DTNA: variants seen among roughly 807,000 people sequenced by gnomAD.
The protein encoded by DTNA is dystrobrevin alpha.
Under a neutral mutation model 100.7 loss-of-function variants are expected in DTNA, and 43 were observed. That is an observed-to-expected ratio of 0.43 (90% CI 0.33 to 0.55). The LOEUF is 0.55. Ranked by LOEUF, DTNA falls within the 20% of genes least tolerant of loss-of-function variation. The pLI is 0.04. For synonymous variants in DTNA, 349 were observed against 347.9 expected, an observed-to-expected ratio of 1.00 and a Z score of -0.04; for missense variants, 798 against 953.9, an observed-to-expected ratio of 0.84 and a Z score of 2.15.
chr18:34,638,235 T>G (rs948123082), intron 1 of DTNA, among the ~76,000 whole-genome samples: 6 of 152,238 alleles, frequency 3.9e-5, no homozygotes, highest in African/African-American at 7.2e-5. Flanking sequence ...AGTGGAATTA[T>G]TGTTAAGTCT....
intron 9 of DTNA, chr18:34,821,566 C>A: frequency 2.2e-6 from 1 of 454,514 alleles, no homozygotes. Flanking sequence ...CTTTGAACCT[C>A]TCTCAGGCCT....
At chr18:34,587,058 G>A (rs1258937627) in intron 1 of DTNA, among the ~76,000 whole-genome samples, 2 of 151,896 alleles carry the variant, frequency 1.3e-5, no homozygotes, top group Non-Finnish European at 2.9e-5. Flanking sequence ...AAAGTCCTGG[G>A]CTCAAGCAAT....
At chr18:34,879,793 A>C (rs1429270474) in intron 20 of DTNA, 74 bp downstream of exon 20, 3 of 1,574,396 alleles carry the variant, frequency 1.9e-6, no homozygotes, top group Non-Finnish European at 2.6e-6. Context: ...AAGTAAAAGC[A>C]TAATTGTTTA....
At chr18:34,884,680 C>A in intron 21 of DTNA, 48 bp from the exon 22 acceptor site, 1 of 1,608,208 alleles carries the variant, frequency 6.2e-7, no homozygotes. Flanking sequence ...GACTGCATCA[C>A]AGACTTGACG....
chr18:34,795,867 T>G (rs2149072062), intron 4 of DTNA, among the ~76,000 whole-genome samples: 1 of 152,312 alleles, frequency 6.6e-6, no homozygotes, highest in South Asian at 2.1e-4. Context: ...TTTTCACTTT[T>G]GGTCAGAAAT....
At chr18:34,657,432 G>A (rs915953063) in intron 1 of DTNA, among the ~76,000 whole-genome samples, 4 of 152,090 alleles carry the variant, frequency 2.6e-5, no homozygotes, top group Non-Finnish European at 5.9e-5. Context: ...TGCTTTCATT[G>A]TCCAAACTGA....
intron 14 of DTNA, 92 bp from the exon 15 acceptor site, chr18:34,851,739 C>G (rs113338432): frequency 5.3e-6 from 7 of 1,308,630 alleles, no homozygotes; most frequent in East Asian, 2.4e-5. Flanking sequence ...ATAATTCCCT[C>G]CTCCTTGTCT....
chr18:34,860,220 GTTTTTT>G (rs55673388), intron 16 of DTNA, among the ~76,000 whole-genome samples: 24 of 80,282 alleles, frequency 3.0e-4, no homozygotes, highest in African/African-American at 8.0e-4. Context: ...CTAATTTTTT[GTTTTTT>G]TTTTTTTTTT....
At chr18:34,547,372 A>G (rs2044902400) in intron 1 of DTNA, among the ~76,000 whole-genome samples, 1 of 152,126 alleles carries the variant, frequency 6.6e-6, no homozygotes, top group Admixed American at 6.6e-5. Flanking sequence ...CATCATAAAG[A>G]AAGCTATAAG....
chr18:34,571,110 C>CA (rs1313110801), intron 1 of DTNA, among the ~76,000 whole-genome samples: 1 of 152,030 alleles, frequency 6.6e-6, no homozygotes, highest in Non-Finnish European at 1.5e-5. Context: ...AACAGAACAG[C>CA]AAAAAATTCA....
intron 1 of DTNA, among the ~76,000 whole-genome samples, chr18:34,538,926 T>A (rs929170542): frequency 3.3e-5 from 5 of 151,988 alleles, no homozygotes; most frequent in Non-Finnish European, 7.4e-5. Flanking sequence ...ATTAAAATTT[T>A]CTCAACACAA....
chr18:34,664,066 T>A (rs545355648), intron 1 of DTNA, among the ~76,000 whole-genome samples: 2 of 152,274 alleles, frequency 1.3e-5, no homozygotes, highest in Admixed American at 1.3e-4. Context: ...TGAATTTCAC[T>A]GTTGTATCAA....
chr18:34,864,584 G>A (rs1050523080), intron 17 of DTNA, among the ~76,000 whole-genome samples: 4 of 152,148 alleles, frequency 2.6e-5, no homozygotes, highest in African/African-American at 9.7e-5. Flanking sequence ...CCTGAAACCA[G>A]ACTGCTGAGG....
chr18:34,732,752 G>A (rs1181470643), intron 1 of DTNA, among the ~76,000 whole-genome samples: 1 of 152,214 alleles, frequency 6.6e-6, no homozygotes, highest in African/African-American at 2.4e-5. Context: ...TAAAGCACAT[G>A]AGGCTCAGTT....
chr18:34,528,699 C>T (rs540649663), intron 1 of DTNA, among the ~76,000 whole-genome samples: 130 of 151,932 alleles, frequency 8.6e-4, no homozygotes, highest in Non-Finnish European at 7.4e-4. Context: ...AATGCCTTTC[C>T]TTCATTTTTT....
At chr18:34,799,135 T>C (rs1018523524) in intron 4 of DTNA, among the ~76,000 whole-genome samples, 1 of 152,200 alleles carries the variant, frequency 6.6e-6, no homozygotes, top group Admixed American at 6.5e-5. Context: ...TTTTACATTG[T>C]AGCATTAGGA....
At chr18:34,842,084 G>A (rs770565661) in intron 13 of DTNA, among the ~76,000 whole-genome samples, 1 of 152,156 alleles carries the variant, frequency 6.6e-6, no homozygotes, top group Middle Eastern at 3.4e-3. Flanking sequence ...TACAGTGTGG[G>A]CTTTTACTAC....
intron 1 of DTNA, among the ~76,000 whole-genome samples, chr18:34,750,627 A>G (rs887084602): frequency 6.6e-6 from 1 of 152,198 alleles, no homozygotes; most frequent in Non-Finnish European, 1.5e-5. Context: ...GTTTTTAGGC[A>G]GCCACTTTAC....
At chr18:34,758,330 C>T (rs986698491) in intron 2 of DTNA, among the ~76,000 whole-genome samples, 1 of 152,106 alleles carries the variant, frequency 6.6e-6, no homozygotes, top group African/African-American at 2.4e-5. Flanking sequence ...AAAGAAAGTG[C>T]CAATGAGATT....
Sources: allele counts gnomAD v4.1 joint callset (sites outside exome capture counted in the v4.1 genomes callset), GRCh38; gene constraint gnomAD v4.1.1; transcripts MANE v1.5; gene names NCBI Gene and HGNC (gene_info 2026-07-23, HGNC 2026-07-21).